HVCN1: variants seen among roughly 807,000 people sequenced by gnomAD.
HVCN1 encodes voltage-gated hydrogen channel 1.
A neutral mutation model predicts 29.2 loss-of-function variants in HVCN1; 14 were observed. The observed-to-expected ratio is 0.48, with a 90% CI of 0.32 to 0.75. The LOEUF is 0.75. HVCN1 is among the 30% of genes least tolerant of loss of function. The pLI is 0.04. For synonymous variants in HVCN1, 131 were observed against 133.2 expected, an observed-to-expected ratio of 0.98 and a Z score of 0.11; for missense variants, 263 against 341.8, an observed-to-expected ratio of 0.77 and a Z score of 1.82.
At chr12:110,674,667 G>A (rs1202640917) in intron 3 of HVCN1, among the ~76,000 whole-genome samples, 1 of 152,110 alleles carries the variant, frequency 6.6e-6, no homozygotes, top group Non-Finnish European at 1.5e-5. Flanking sequence ...GGTTTATCGG[G>A]GTTTCTGCTT....
chr12:110,673,678 C>G (rs556368086), intron 3 of HVCN1, among the ~76,000 whole-genome samples: 2 of 152,334 alleles, frequency 1.3e-5, no homozygotes, highest in East Asian at 3.9e-4. Flanking sequence ...AAGGGGCCAA[C>G]ATACAGCTCA....
chr12:110,685,282 A>T (rs1346608943), intron 2 of HVCN1, among the ~76,000 whole-genome samples: 1 of 152,216 alleles, frequency 6.6e-6, no homozygotes, highest in Non-Finnish European at 1.5e-5. Context: ...ATGGGGCCTC[A>T]ATCCAAGGCA....
upstream of HVCN1, among the ~76,000 whole-genome samples, chr12:110,691,725 T>C (rs1239001353): frequency 2.0e-5 from 3 of 152,230 alleles, no homozygotes; most frequent in Non-Finnish European, 4.4e-5. Flanking sequence ...CAGACCCTGC[T>C]AAGGCAAGGC....
chr12:110,678,411 C>T (rs544761686), intron 3 of HVCN1, among the ~76,000 whole-genome samples: 2 of 142,160 alleles, frequency 1.4e-5, no homozygotes, highest in Admixed American at 7.0e-5. Flanking sequence ...CTATGTGAGG[C>T]GCTCTTATTT....
rs1566029629 is a variant in HVCN1 at position 110,655,243 on chromosome 12, A to G, written c.402T>C (p.Tyr134=). 4.3e-6 allele frequency: 7 copies of G among 1,612,964 alleles called. No homozygotes were observed. The highest frequency in any genetic ancestry group is 5.9e-6 in the Non-Finnish European group (7 of 1,179,062). The change falls in exon 5 of 8, where the codon TAT becomes TAC. Residue 134 remains tyrosine, a synonymous_variant. Coordinates refer to ENST00000242607, the MANE Select transcript of HVCN1 (RefSeq NM_032369.4). Reference sequence around the variant, plus strand: ...AGCTGTCAACCCCTACCATGGCAGCATAGTTATTCTTGTCGGGCTGGATGA... The same window carrying G: ...AGCTGTCAACCCCTACCATGGCAGCGTAGTTATTCTTGTCGGGCTGGATGA... ...LKIIQPDKNN[Y]AAMVFHYMSI...
At chr12:110,670,737 G>A (rs2068547418) in intron 3 of HVCN1, among the ~76,000 whole-genome samples, 1 of 152,154 alleles carries the variant, frequency 6.6e-6, no homozygotes, top group East Asian at 1.9e-4. Flanking sequence ...GGTGGAGTAG[G>A]TGGAATTGTG....
chr12:110,695,189 A>T (rs2069470639), intron 2 of HVCN1, among the ~76,000 whole-genome samples: 1 of 152,210 alleles, frequency 6.6e-6, no homozygotes, highest in Non-Finnish European at 1.5e-5. Context: ...CAGGCAGATC[A>T]CTTGAGGCCA....
chr12:110,668,981 G>T lies in HVCN1; in HGVS notation c.22-7533C>A, dbSNP rs118110335. Among the ~76,000 whole-genome samples the T allele has an allele frequency of 4.9e-4, 74 of 151,376 alleles. No homozygotes were observed. The East Asian group carries it at 0.013, about 26-fold the overall frequency. On this transcript the variant is annotated intron_variant, in intron 3 of 7. Coordinates refer to ENST00000242607, the MANE Select transcript of HVCN1 (RefSeq NM_032369.4). ...TCCTGGAGACCTCAGCCTTGACCCTGTCCTTGGGCCGGTGACTCTCTCTTT... is the reference window on the plus strand; with the variant it reads ...TCCTGGAGACCTCAGCCTTGACCCTTTCCTTGGGCCGGTGACTCTCTCTTT...
intron 1 of HVCN1, among the ~76,000 whole-genome samples, chr12:110,702,769 C>T (rs1466795154): frequency 6.6e-6 from 1 of 152,158 alleles, no homozygotes; most frequent in African/African-American, 2.4e-5. Context: ...ATTCTCCTGC[C>T]TCAGCCTCCC....
intron 3 of HVCN1, among the ~76,000 whole-genome samples, chr12:110,674,915 T>G (rs2068698379): frequency 6.6e-6 from 1 of 152,150 alleles, no homozygotes; most frequent in Non-Finnish European, 1.5e-5. Context: ...ATGAAGTATT[T>G]AGTGGAGGTG....
At chr12:110,684,883 T>TG (rs2069121765) in intron 2 of HVCN1, among the ~76,000 whole-genome samples, 1 of 152,192 alleles carries the variant, frequency 6.6e-6, no homozygotes, top group Non-Finnish European at 1.5e-5. Context: ...CGTCGCCTTC[T>TG]GGAGTATTCT....
At chr12:110,656,419 T>TGA (rs1414811946) in intron 4 of HVCN1, among the ~76,000 whole-genome samples, 1 of 152,108 alleles carries the variant, frequency 6.6e-6, no homozygotes, top group African/African-American at 2.4e-5. Flanking sequence ...GCAGTCACGG[T>TGA]GACAGCTGGT....
intron 2 of HVCN1, among the ~76,000 whole-genome samples, chr12:110,683,542 G>A (rs536324367): frequency 7.2e-4 from 109 of 152,240 alleles, no homozygotes; most frequent in African/African-American, 2.4e-3. Context: ...GAAACGACCC[G>A]CTTGTCCATC....
intron 3 of HVCN1, among the ~76,000 whole-genome samples, chr12:110,663,382 T>C (rs2068240399): frequency 6.6e-6 from 1 of 151,664 alleles, no homozygotes; most frequent in African/African-American, 2.4e-5. Flanking sequence ...GTGGGAGGAT[T>C]GCTTGAGCCC....
chr12:110,701,333 G>A (rs1284557094), intron 2 of HVCN1, among the ~76,000 whole-genome samples: 2 of 152,118 alleles, frequency 1.3e-5, no homozygotes, highest in African/African-American at 4.8e-5. Flanking sequence ...TTTTCCAAGT[G>A]CAGGCCACAA....
chr12:110,669,791 C>T (rs1178078288), intron 3 of HVCN1, among the ~76,000 whole-genome samples: 1 of 152,152 alleles, frequency 6.6e-6, no homozygotes, highest in Non-Finnish European at 1.5e-5. Flanking sequence ...CGCGGTGGCT[C>T]AAGCCTGTAA....
chr12:110,683,904 CTA>C (rs2069081703), intron 2 of HVCN1, among the ~76,000 whole-genome samples: 1 of 118,994 alleles, frequency 8.4e-6, no homozygotes, highest in Admixed American at 9.2e-5. Context: ...GAACAAGACT[CTA>C]TCTAAAAAAA....
At chr12:110,671,937 C>T (rs1203558831) in intron 3 of HVCN1, among the ~76,000 whole-genome samples, 3 of 152,188 alleles carry the variant, frequency 2.0e-5, no homozygotes. Context: ...CCGTGCCGCA[C>T]ATTTTGGCAG....
intron 1 of HVCN1, chr12:110,702,450 G>A (rs971586467): frequency 2.0e-4 from 30 of 151,810 alleles, no homozygotes; most frequent in African/African-American, 7.0e-4. Context: ...AAAACAGGAG[G>A]GCAAGACAAT....
Sources: allele counts gnomAD v4.1 joint callset (sites outside exome capture counted in the v4.1 genomes callset), GRCh38; gene constraint gnomAD v4.1.1; transcripts MANE v1.5; gene names NCBI Gene and HGNC (gene_info 2026-07-23, HGNC 2026-07-21).